The following LPIN1 variants were observed in gnomAD, a reference collection of about 807,000 sequenced individuals.
LPIN1 encodes the protein phosphatidate phosphatase LPIN1.
LPIN1 carries 71 observed loss-of-function variants against 107.5 expected under a neutral mutation model. That is an observed-to-expected ratio of 0.66 (90% CI 0.55 to 0.80). The LOEUF (loss-of-function observed/expected upper bound fraction) is 0.80. Ranked by LOEUF, LPIN1 falls within the 30% of genes least tolerant of loss-of-function variation. The pLI is 0.00. For synonymous variants in LPIN1, 445 were observed against 452.6 expected (o/e 0.98, Z 0.21); for missense variants, 1,043 against 1,160.6 (o/e 0.90, Z 1.47).
intron 1 of LPIN1, among the ~76,000 whole-genome samples, chr2:11,731,563 G>C (rs916864525): frequency 6.6e-6 from 1 of 152,192 alleles, no homozygotes; most frequent in Non-Finnish European, 1.5e-5. Context: ...ATAGTAGAAG[G>C]ATTTATAATC....
At chr2:11,750,319 A>G (rs1667602857) in intron 1 of LPIN1, among the ~76,000 whole-genome samples, 1 of 152,030 alleles carries the variant, frequency 6.6e-6, no homozygotes, top group East Asian at 1.9e-4. Context: ...CCACCATTGG[A>G]CTCTGTGCAA....
intron 1 of LPIN1, among the ~76,000 whole-genome samples, chr2:11,737,178 C>T (rs1340967335): frequency 1.3e-5 from 2 of 152,272 alleles, no homozygotes; most frequent in African/African-American, 4.8e-5. Context: ...ACTGGCTAGC[C>T]ATATGCAGAA....
intron 1 of LPIN1, among the ~76,000 whole-genome samples, chr2:11,693,420 C>T (rs1185467602): frequency 2.0e-5 from 3 of 152,092 alleles, no homozygotes; most frequent in African/African-American, 7.2e-5. Context: ...TAGAGCCCTG[C>T]ACTATTCGGA....
chr2:11,791,872 T>G, intron 12 of LPIN1, 42 bp from the exon 13 acceptor site: 1 of 1,604,354 alleles, frequency 6.2e-7, no homozygotes, highest in Non-Finnish European at 8.5e-7. Flanking sequence ...TAAGTTGATC[T>G]TTTTTTGTTC....
intron 6 of LPIN1, among the ~76,000 whole-genome samples, 159 bp from the exon 7 acceptor site, chr2:11,779,360 C>T (rs1673178743): frequency 1.3e-5 from 2 of 152,188 alleles, no homozygotes; most frequent in South Asian, 4.1e-4. Flanking sequence ...GCTTCCCTGC[C>T]CCCTGGTGGC....
intron 1 of LPIN1, among the ~76,000 whole-genome samples, chr2:11,705,174 T>G (rs1219099221): frequency 6.6e-6 from 1 of 152,252 alleles, no homozygotes; most frequent in South Asian, 2.1e-4. Flanking sequence ...GGTGTGGTGT[T>G]GTGGCTTTGA....
At chr2:11,785,138 GGCT>G in intron 10 of LPIN1, 62 bp downstream of exon 10, 1 of 1,331,376 alleles carries the variant, frequency 7.5e-7, no homozygotes. Context: ...CAGAGGCTTA[GGCT>G]TCTCCAAGGA....
chr2:11,741,719 G>A (rs72773976), upstream of LPIN1, among the ~76,000 whole-genome samples: 3,707 of 152,342 alleles, frequency 0.024, 59 homozygotes, highest in Non-Finnish European at 0.035. Context: ...GCTGAGGCAA[G>A]AGAATGATGT....
upstream of LPIN1, among the ~76,000 whole-genome samples, chr2:11,721,054 C>T (rs2148533402): frequency 6.6e-6 from 1 of 152,230 alleles, no homozygotes; most frequent in East Asian, 1.9e-4. Flanking sequence ...GCTTAGAACT[C>T]CCTCCAATTG....
Position 11,783,896 on chromosome 2 carries a change from AGT to A in LPIN1, c.1334_1335del (p.Val445GlyfsTer93). ...ATGACCTCACAGACATGGATCCTGA[AGT>A]GGCGGCCCTGTATTTTCCCAAAAAG... ...LDDLTDMDPE[V>X]AALYFPKNGD... On this transcript the variant is annotated frameshift_variant, in exon 9 of 21. Transcript: ENST00000674199. LOFTEE classifies it high-confidence loss of function. The A allele has an allele frequency of 6.2e-7, 1 of 1,614,198 alleles. No individual in the cohort carries two copies. The highest frequency in any genetic ancestry group is 8.5e-7 in the Non-Finnish European group (1 of 1,180,022).
chr2:11,816,632 C>T (rs1162757274), intron 18 of LPIN1: 4 of 152,144 alleles, frequency 2.6e-5, no homozygotes, highest in African/African-American at 9.7e-5. Context: ...TGGCCACCGG[C>T]CTGGTCCTTC....
chr2:11,769,678 G>C (rs1671539119), intron 3 of LPIN1, among the ~76,000 whole-genome samples: 1 of 151,956 alleles, frequency 6.6e-6, no homozygotes, highest in Non-Finnish European at 1.5e-5. Context: ...TATGCATAAA[G>C]AGTCCTTTGC....
intron 1 of LPIN1, among the ~76,000 whole-genome samples, chr2:11,748,434 C>T (rs1161402461): frequency 6.6e-6 from 1 of 152,214 alleles, no homozygotes; most frequent in African/African-American, 2.4e-5. Context: ...CTCTGAGCCT[C>T]AGTTTTCCCA....
chr2:11,773,655 A>T lies in LPIN1; in HGVS notation c.632A>T (p.Asp211Val), dbSNP rs1185243137. 2 of 1,611,944 alleles carry T rather than the reference A, an allele frequency of 1.2e-6. No homozygotes were observed. Among genetic ancestry groups the T allele is most frequent in the South Asian group, 2.2e-5 (2 of 91,016 alleles). Residue 211 changes from aspartate to valine, a missense_variant, in exon 5 of 21, where the codon GAT becomes GTT. Transcript: ENST00000674199. ...AATGATATACCTCCATTCCAAGATG[A>T]TATTCCTGAGGAAAACCTCTCCCTG... ...LPNDIPPFQD[D>V]IPEENLSLAV...
intron 1 of LPIN1, among the ~76,000 whole-genome samples, chr2:11,738,566 T>C (rs1666025683): frequency 6.7e-6 from 1 of 149,464 alleles, no homozygotes; most frequent in African/African-American, 2.6e-5. Flanking sequence ...TGGACAAGTA[T>C]GTGAAACAAC....
At chr2:11,733,417 T>C (rs1265730657) in intron 1 of LPIN1, among the ~76,000 whole-genome samples, 1 of 151,952 alleles carries the variant, frequency 6.6e-6, no homozygotes, top group Non-Finnish European at 1.5e-5. Flanking sequence ...TACACAATCA[T>C]GCATTAGTAT....
At chr2:11,751,233 C>T (rs907445189) in intron 1 of LPIN1, among the ~76,000 whole-genome samples, 2 of 152,142 alleles carry the variant, frequency 1.3e-5, no homozygotes, top group African/African-American at 2.4e-5. Flanking sequence ...CTGACCTTCC[C>T]TCCAAAGCAG....
chr2:11,815,074 T>C lies in LPIN1; in HGVS notation c.2250-14T>C, dbSNP rs1680342044. 2 of 1,613,668 alleles carry C rather than the reference T, an allele frequency of 1.2e-6. No individual in the cohort carries two copies. The highest frequency in any genetic ancestry group is 1.7e-6 in the Non-Finnish European group (2 of 1,179,634). ...TTCTGATGCCATGAAATGTGAATGT[T>C]TTATGTCTTTCAGGAATGGATATAA... On this transcript the variant is annotated splice_polypyrimidine_tract_variant and intron_variant, in intron 17 of 20. Coordinates refer to ENST00000674199, the MANE Select transcript of LPIN1 (RefSeq NM_001349206.2).
intron 1 of LPIN1, among the ~76,000 whole-genome samples, chr2:11,760,974 A>C (rs1180169726): frequency 6.6e-6 from 1 of 152,196 alleles, no homozygotes; most frequent in East Asian, 1.9e-4. Context: ...CCTGGGTTCC[A>C]GTTTGGTGAA....
Sources: allele counts gnomAD v4.1 joint callset (sites outside exome capture counted in the v4.1 genomes callset), GRCh38; gene constraint gnomAD v4.1.1; transcripts MANE v1.5; gene names NCBI Gene and HGNC (gene_info 2026-07-23, HGNC 2026-07-21).